The following TAF4 variants were observed in gnomAD, a reference collection of about 807,000 sequenced individuals.
The protein encoded by TAF4 is TATA-box binding protein associated factor 4, also known as transcription initiation factor TFIID subunit 4.
Under a neutral mutation model 90.3 loss-of-function variants are expected in TAF4, and 9 were observed. The ratio of observed to expected loss-of-function variants is 0.10; its 90% CI spans 0.06 to 0.17. TAF4 has a LOEUF of 0.17. TAF4 is among the 10% of genes least tolerant of loss of function. The pLI is 1.00. For synonymous variants in TAF4, 818 were observed against 638.9 expected (o/e 1.28, Z -4.23); for missense variants, 1,351 against 1,370.7 (o/e 0.99, Z 0.23).
At chr20:61,997,055 G>GA (rs2055667565) in intron 14 of TAF4, among the ~76,000 whole-genome samples, 2 of 152,114 alleles carry the variant, frequency 1.3e-5, no homozygotes, top group Admixed American at 1.3e-4. Context: ...ACAGTTGAAA[G>GA]CAAAAATAAC....
chr20:62,002,161 G>A (rs752963788), intron 9 of TAF4, among the ~76,000 whole-genome samples: 1 of 152,178 alleles, frequency 6.6e-6, no homozygotes, highest in East Asian at 1.9e-4. Context: ...TTTCACCCGT[G>A]TATGTCCCTA....
intron 11 of TAF4, 120 bp downstream of exon 11, chr20:62,000,004 G>A (rs1225085491): frequency 8.1e-7 from 1 of 1,241,830 alleles, no homozygotes; most frequent in Non-Finnish European, 1.2e-6. Flanking sequence ...ACGTTCGTAA[G>A]GAACATGGAG....
At chr20:62,041,318 T>C (rs560101556) in intron 1 of TAF4, among the ~76,000 whole-genome samples, 1 of 152,274 alleles carries the variant, frequency 6.6e-6, no homozygotes, top group Non-Finnish European at 1.5e-5. Context: ...TTAACCTCTA[T>C]TTAAAGGAGA....
chr20:62,033,047 G>A (rs1249489590), intron 1 of TAF4, among the ~76,000 whole-genome samples: 1 of 152,178 alleles, frequency 6.6e-6, no homozygotes, highest in Admixed American at 6.5e-5. Context: ...CTGTCTGGAC[G>A]TGGTGAGAGG....
chr20:61,990,581 G>A (rs1204670130), intron 14 of TAF4, among the ~76,000 whole-genome samples: 1 of 152,204 alleles, frequency 6.6e-6, no homozygotes, highest in Non-Finnish European at 1.5e-5. Context: ...CCTGGGAAGA[G>A]CAGCAGGTCC....
At chr20:62,021,047 G>A (rs180699858) in intron 1 of TAF4, among the ~76,000 whole-genome samples, 114 of 152,240 alleles carry the variant, frequency 7.5e-4, no homozygotes, top group Middle Eastern at 6.8e-3. Flanking sequence ...GCCACAGTAC[G>A]GGGAAGGAGA....
intron 14 of TAF4, 34 bp from the exon 15 acceptor site, chr20:61,976,369 T>C (rs146372654): frequency 6.2e-7 from 1 of 1,609,008 alleles, no homozygotes. Flanking sequence ...AGTGTGTTAG[T>C]GGGGCTCAGA....
intron 1 of TAF4, among the ~76,000 whole-genome samples, chr20:62,057,267 C>A (rs928116778): frequency 6.6e-6 from 1 of 152,234 alleles, no homozygotes; most frequent in Non-Finnish European, 1.5e-5. Context: ...ACACCCAGCG[C>A]CCAGAGAAGG....
In TAF4 at chr20:62,064,050, G is replaced by A. The variant is rs1399595590; in HGVS notation, c.1360+401C>T. Among the ~76,000 whole-genome samples, 3 of 152,302 alleles carry A rather than the reference G, an allele frequency of 2.0e-5. No individual in the cohort carries two copies. The East Asian group carries it at 5.8e-4, about 29-fold the overall frequency. ...CAGCTGCTGCCACTCACAGCCCCAG[G>A]TACTGCCCTCAGCTCTGCAGACCCC... On this transcript the variant is annotated intron_variant, in intron 1 of 14. Coordinates refer to ENST00000252996, the MANE Select transcript of TAF4 (RefSeq NM_003185.4).
At chr20:62,013,950 T>TGAGA (rs1555875746) in intron 2 of TAF4, among the ~76,000 whole-genome samples, 46 of 126,296 alleles carry the variant, frequency 3.6e-4, no homozygotes, top group African/African-American at 1.3e-3. Context: ...TGTGTGTGTG[T>TGAGA]GAATCCGTGC....
At chr20:61,993,916 C>T (rs921482346) in intron 14 of TAF4, among the ~76,000 whole-genome samples, 1 of 152,094 alleles carries the variant, frequency 6.6e-6, no homozygotes, top group African/African-American at 2.4e-5. Flanking sequence ...CCACGCCCGG[C>T]TAAATTTTGT....
Position 62,065,562 on chromosome 20 carries a change from G to T in TAF4, c.249C>A (p.Pro83=), listed in dbSNP as rs1237632031. The change falls in exon 1 of 15, where the codon CCC becomes CCA. Residue 83 remains proline (P), a synonymous_variant. Transcript: ENST00000252996. The part of the protein sequence containing the change: ...AGPAAPAEGA[P]GAAPEPPPAG... ...CGGGGGGCGGCTCCGGCGCCGCTCCGGGCGCGCCCTCGGCGGGGGCGGCCG... is the reference window on the plus strand; with the variant it reads ...CGGGGGGCGGCTCCGGCGCCGCTCCTGGCGCGCCCTCGGCGGGGGCGGCCG... 21 of 977,818 alleles carry T rather than the reference G, an allele frequency of 2.1e-5. No individual in the cohort carries two copies. The Admixed American group carries it at 1.0e-3, about 48-fold the overall frequency. The allele number at this position is 977,818 out of a possible 1,614,324, so 60.6% of individuals were successfully genotyped here.
chr20:62,062,125 G>T (rs941223832), intron 1 of TAF4, among the ~76,000 whole-genome samples: 8 of 152,126 alleles, frequency 5.3e-5, no homozygotes, highest in African/African-American at 1.9e-4. Context: ...AATACTCCCG[G>T]CTCCTCCTCA....
At chr20:62,012,580 T>C in intron 3 of TAF4, 1 of 464,348 alleles carries the variant, frequency 2.2e-6, no homozygotes. Context: ...ACAGTGCTGC[T>C]GGTGTTAAAT....
At chr20:62,001,592 G>A (rs983712541) in intron 9 of TAF4, among the ~76,000 whole-genome samples, 2 of 152,160 alleles carry the variant, frequency 1.3e-5, no homozygotes, top group South Asian at 2.1e-4. Flanking sequence ...GTTGTGTCTC[G>A]GGGAAGAGCT....
chr20:61,988,530 A>T (rs563180453), intron 14 of TAF4, among the ~76,000 whole-genome samples: 37 of 152,300 alleles, frequency 2.4e-4, no homozygotes, highest in African/African-American at 8.2e-4. Flanking sequence ...ATAGAATTCA[A>T]AAGTAAAAGT....
intron 14 of TAF4, among the ~76,000 whole-genome samples, chr20:61,992,904 G>A (rs2055640334): frequency 1.3e-5 from 2 of 152,026 alleles, no homozygotes; most frequent in African/African-American, 4.8e-5. Context: ...AATGAGAACT[G>A]TAATAGATGG....
At position 62,006,658 on chromosome 20, in the gene TAF4, G is replaced by A. The variant is rs778220814; in HGVS notation, c.2075C>T (p.Ala692Val). Residue 692 changes from alanine to valine, a missense_variant, in exon 7 of 15, where the codon GCG becomes GTG. Ala to Val is a moderately conservative substitution (Grantham distance 64, BLOSUM62 0). Transcript: ENST00000252996. The surrounding 1 kb of genome is among the most constrained non-coding windows in gnomAD (Gnocchi z 7.0). ...PPPPTSQATT[A>V]LTAVVLSSSV... ...GCTACTCAGCACCACGGCCGTGAGC[G>A]CAGTGGTGGCCTGCGAGGTGGGCGG... The A allele has an allele frequency of 5.0e-6, 8 of 1,598,514 alleles. No homozygotes were observed. Among genetic ancestry groups the A allele is most frequent in the Middle Eastern group, 1.7e-4 (1 of 5,964 alleles).
chr20:62,005,870 AC>A (rs758006828), intron 7 of TAF4: 8 of 152,222 alleles, frequency 5.3e-5, no homozygotes, highest in Non-Finnish European at 1.0e-4. Context: ...GGAAGAAAAC[AC>A]CTCTGAAATT....
Sources: allele counts gnomAD v4.1 joint callset (sites outside exome capture counted in the v4.1 genomes callset), GRCh38; gene constraint gnomAD v4.1.1; non-coding constraint Gnocchi (gnomAD v3.1); transcripts MANE v1.5; gene names NCBI Gene and HGNC (gene_info 2026-07-23, HGNC 2026-07-21).